CNOT3: variants seen among roughly 807,000 people sequenced by gnomAD.
CNOT3 encodes CCR4-associated factor 3.
Under a neutral mutation model 89.4 loss-of-function variants are expected in CNOT3, and 2 were observed. The observed-to-expected ratio is 0.02, with a 90% confidence interval of 0.01 to 0.07. The LOEUF is 0.07. Among genes scored for constraint, CNOT3 ranks in the 10% least tolerant of loss-of-function variants. The pLI, the probability that CNOT3 is intolerant of heterozygous loss-of-function variation, is 1.00. For missense variants in CNOT3, 664 were observed against 1,010.2 expected, an observed-to-expected ratio of 0.66 and a Z score of 4.65; for synonymous variants, 486 against 402.0, an observed-to-expected ratio of 1.21 and a Z score of -2.50.
In CNOT3 at chr19:54,155,532, C is replaced by A; in HGVS notation, c.*125C>A. The A allele has an allele frequency of 1.1e-6, 1 of 910,730 alleles. No homozygotes were observed. Among genetic ancestry groups the A allele is most frequent in the Non-Finnish European group, 1.6e-6 (1 of 610,130 alleles). The allele number at this position is 910,730 out of a possible 1,614,324, so 56.4% of individuals were successfully genotyped here. A position where few individuals can be genotyped will look rare whatever the true frequency, so the allele number is the denominator to read the frequency against. On this transcript the variant is annotated 3_prime_UTR_variant, in exon 18 of 18. Coordinates refer to ENST00000221232, the MANE Select transcript of CNOT3 (RefSeq NM_014516.4). Reference sequence around the variant, plus strand: ...CGGGGCATCCCCCTCTCCCAGGAAGCAGGGAGGGGGCCGGGAGGTTTTCCT... The same window carrying A: ...CGGGGCATCCCCCTCTCCCAGGAAGAAGGGAGGGGGCCGGGAGGTTTTCCT...
At position 54,155,304 on chromosome 19, in the gene CNOT3, G is replaced by A. The variant is rs373011690; in HGVS notation, c.2164-5G>A. On this transcript the variant is annotated splice_polypyrimidine_tract_variant and splice_region_variant and intron_variant, in intron 17 of 17. Transcript: ENST00000221232. ...CACTCACTGACCGCCTTCTCCCCCG[G>A]CCAGGGCACCTACATCTACTTTGAC... The A allele has an allele frequency of 1.2e-6, 2 of 1,613,040 alleles. No homozygotes were observed. The highest frequency in any genetic ancestry group is 1.7e-6 in the Non-Finnish European group (2 of 1,179,646).
Position 54,152,894 on chromosome 19 carries a change from G to A in CNOT3, c.1932G>A (p.Pro644=), listed in dbSNP as rs775049736. 12 of 1,524,118 alleles carry A rather than the reference G, an allele frequency of 7.9e-6. No individual in the cohort carries two copies. Among genetic ancestry groups the A allele is most frequent in the African/African-American group, 5.6e-5 (4 of 71,660 alleles). The allele number at this position is 1,524,118 out of a possible 1,614,324, so 94.4% of individuals were successfully genotyped here. A position where few individuals can be genotyped will look rare whatever the true frequency, so the allele number is the denominator to read the frequency against. The change falls in exon 16 of 18, where the codon CCG becomes CCA. Residue 644 remains proline (P), a synonymous_variant. Coordinates refer to ENST00000221232, the MANE Select transcript of CNOT3 (RefSeq NM_014516.4). The part of the protein sequence containing the change: ...IRQYLPRNPC[P]TPPYHHQMPP... ...AGTACCTCCCCCGGAACCCCTGTCC[G>A]ACGCCCCCCTACCACCACCAGATGC... is the stretch of plus-strand genomic sequence containing the variant.
Position 54,144,338 on chromosome 19 carries a change from T to G in CNOT3, c.483+6T>G. On this transcript the variant is annotated splice_donor_region_variant and intron_variant, in intron 7 of 17. Transcript: ENST00000221232. The surrounding 1 kb of genome is among the most constrained non-coding windows in gnomAD (Gnocchi z 4.8). Reference sequence around the variant, plus strand: ...AGAAGAAGGGCGACAAGGATGTGAGTGAGGGAGACCCGACACCTTTGGGAT... The same window carrying G: ...AGAAGAAGGGCGACAAGGATGTGAGGGAGGGAGACCCGACACCTTTGGGAT... The G allele has an allele frequency of 6.2e-7, 1 of 1,608,116 alleles. No individual in the cohort carries two copies. The highest frequency in any genetic ancestry group is 8.5e-7 in the Non-Finnish European group (1 of 1,175,200).
rs772070910 is a variant in CNOT3, at chr19:54,143,649, C to T, written c.169-11C>T. ...CCTGAGGTCTGACTTTCTTGCTTTT[C>T]CCATCTGCAGCGGCTGAGGGACCAA... On this transcript the variant is annotated splice_polypyrimidine_tract_variant and intron_variant, in intron 4 of 17. Transcript: ENST00000221232. 1.9e-5 allele frequency: 31 copies of T among 1,613,552 alleles called. No individual in the cohort carries two copies. The South Asian group carries it at 2.9e-4, about 15-fold the overall frequency.
rs764312790 is a variant in CNOT3 at position 54,143,019 on chromosome 19, C to G, written c.25+16C>G. ...AAACTCCAAGGTACTAGACTGACTT[C>G]CTGCTGCACCTGTAGCCACATGCTC... On this transcript the variant is annotated intron_variant, in intron 2 of 17. Coordinates refer to ENST00000221232, the MANE Select transcript of CNOT3 (RefSeq NM_014516.4). 1 of 1,614,016 alleles carries G rather than the reference C, an allele frequency of 6.2e-7. No homozygotes were observed.
In CNOT3 at chr19:54,148,059, C is replaced by T. The variant is rs1193389966; in HGVS notation, c.895-89C>T. The T allele has an allele frequency of 1.5e-5, 16 of 1,087,950 alleles. No homozygotes were observed. The highest frequency in any genetic ancestry group is 1.7e-5 in the Non-Finnish European group (14 of 803,812). 67.4% of individuals were successfully genotyped at this position (1,087,950 alleles called of 1,614,324 possible). A position where few individuals can be genotyped will look rare whatever the true frequency, so the allele number is the denominator to read the frequency against. ...GGCAGCGAGGCCAGAGAGGAGGCTG[C>T]TGGGACAAAGATGGAGCCTGAGGTG... On this transcript the variant is annotated intron_variant, in intron 10 of 17. Coordinates refer to ENST00000221232, the MANE Select transcript of CNOT3 (RefSeq NM_014516.4). This position sits in a 1 kb window ranked among gnomAD's most constrained non-coding sequence, Gnocchi z 6.3.
At chr19:54,147,032 A>G (rs1467172618) in intron 10 of CNOT3, among the ~76,000 whole-genome samples, 3 of 152,168 alleles carry the variant, frequency 2.0e-5, no homozygotes, top group African/African-American at 4.8e-5. Flanking sequence ...CAGGGGCCCA[A>G]CTGTGAGCAC....
intron 12 of CNOT3, among the ~76,000 whole-genome samples, chr19:54,149,025 TA>T (rs1412314675): frequency 6.6e-6 from 1 of 152,232 alleles, no homozygotes; most frequent in Non-Finnish European, 1.5e-5. Flanking sequence ...CCATTTCTGT[TA>T]CCTGCCTGAG....
intron 1 of CNOT3, among the ~76,000 whole-genome samples, chr19:54,138,637 C>A (rs1427992672): frequency 6.6e-6 from 1 of 152,236 alleles, no homozygotes; most frequent in Non-Finnish European, 1.5e-5. Flanking sequence ...CAGGTTCCAG[C>A]TGCCCGTCTG....
intron 17 of CNOT3, 25 bp from the exon 18 acceptor site, chr19:54,155,284 A>C: frequency 6.2e-7 from 1 of 1,611,710 alleles, no homozygotes; most frequent in Non-Finnish European, 8.5e-7. Flanking sequence ...TCGTCCACTC[A>C]CTGACCGCCT....
At position 54,148,334 on chromosome 19, in the gene CNOT3, C is replaced by T. The variant is rs776288486; in HGVS notation, c.1081C>T (p.Pro361Ser). The change falls in exon 11 of 18, where the codon CCC (proline) becomes TCC (serine). Residue 361 changes from proline to serine, a missense_variant. Physicochemically the swap from Pro to Ser is moderately conservative, Grantham distance 74. This residue lies in a region of CNOT3 where 545 missense variants were observed against 566.2 expected (regional missense o/e 0.96). Coordinates refer to ENST00000221232, the MANE Select transcript of CNOT3 (RefSeq NM_014516.4). This position sits in a 1 kb window ranked among gnomAD's most constrained non-coding sequence, Gnocchi z 6.3. The part of the protein sequence containing the change: ...SALGPKASPA[P>S]SHNSGTPAPY... ...CCTGGGCCCCAAGGCCAGTCCAGCT[C>T]CCAGCCACAACTCGGGCACCCCTGC... 1.5e-5 allele frequency: 24 copies of T among 1,594,900 alleles called. No individual in the cohort carries two copies. The highest frequency in any genetic ancestry group is 2.1e-5 in the Non-Finnish European group (24 of 1,170,620).
chr19:54,148,936 T>C lies in CNOT3; in HGVS notation c.1406+193T>C, dbSNP rs1212994809. On this transcript the variant is annotated intron_variant, in intron 12 of 17. Coordinates refer to ENST00000221232, the MANE Select transcript of CNOT3 (RefSeq NM_014516.4). This position sits in a 1 kb window ranked among gnomAD's most constrained non-coding sequence, Gnocchi z 6.3. ...AGCAAGGAAACTACATCAGCCTCCC[T>C]GCTTTGCCCTTCAGAACATTCTAAA... is the stretch of plus-strand genomic sequence containing the variant. Among the ~76,000 whole-genome samples the C allele has an allele frequency of 1.3e-5, 2 of 152,250 alleles. No homozygotes were observed. Among genetic ancestry groups the C allele is most frequent in the Non-Finnish European group, 2.9e-5 (2 of 68,046 alleles).
Position 54,145,988 on chromosome 19 carries a change from C to G in CNOT3, c.782C>G (p.Pro261Arg). 6.2e-7 allele frequency: 1 copy of G among 1,613,818 alleles called. No homozygotes were observed. The highest frequency in any genetic ancestry group is 8.5e-7 in the Non-Finnish European group (1 of 1,179,800). Residue 261 changes from proline (P) to arginine (R), a missense_variant, in exon 9 of 18, where the codon CCC becomes CGC. Around this residue, in one of 8 missense-constraint regions of CNOT3, gnomAD observed 545 missense variants for 566.2 expected, o/e 0.96. Transcript: ENST00000221232. The surrounding 1 kb of genome is among the most constrained non-coding windows in gnomAD (Gnocchi z 5.9). The part of the protein sequence containing the change: ...DEIFNQSSST[P>R]TSTTSSSPIP... ...ATCTTCAACCAGTCCAGCAGCACGC[C>G]CACCTCAACCACCTCCAGCTCTCCC...
rs756875113 is a variant in CNOT3 at position 54,143,422 on chromosome 19, C to A, written c.94-20C>A. 6.2e-7 allele frequency: 1 copy of A among 1,613,142 alleles called. No individual in the cohort carries two copies. Among genetic ancestry groups the A allele is most frequent in the East Asian group, 2.2e-5 (1 of 44,874 alleles). ...GACATCCCCTCCCACACTGACTTCT[C>A]AATTCTCTCCATCCCTCAGCTCCAC... is the stretch of plus-strand genomic sequence containing the variant. On this transcript the variant is annotated intron_variant, in intron 3 of 17. Coordinates refer to ENST00000221232, the MANE Select transcript of CNOT3 (RefSeq NM_014516.4).
Position 54,144,125 on chromosome 19 carries a change from G to C in CNOT3, c.378G>C (p.Gln126His). 4 of 1,606,002 alleles carry C rather than the reference G, an allele frequency of 2.5e-6. No individual in the cohort carries two copies. Among genetic ancestry groups the C allele is most frequent in the Non-Finnish European group, 3.4e-6 (4 of 1,175,738 alleles). Residue 126 changes from glutamine (Q) to histidine (H), a missense_variant, in exon 6 of 18, where the codon CAG (glutamine) becomes CAC (histidine). Gln to His is a conservative substitution (Grantham distance 24). Coordinates refer to ENST00000221232, the MANE Select transcript of CNOT3 (RefSeq NM_014516.4). The surrounding 1 kb of genome is among the most constrained non-coding windows in gnomAD (Gnocchi z 4.8). ...AGAAGGAGAAGGAAGAGGTTGGCCA[G>C]TGGCTCACGGTGAGTTGGGGTAGAG... ...PAQKEKEEVGQWLTNTIDTLN... is the reference protein window; with the variant it reads ...PAQKEKEEVGHWLTNTIDTLN...
intron 13 of CNOT3, 138 bp downstream of exon 13, chr19:54,149,896 C>G (rs2074970131): frequency 2.2e-6 from 2 of 913,708 alleles, no homozygotes; most frequent in Admixed American, 2.8e-5. Flanking sequence ...CACACTTGCT[C>G]TTTCTCCAGG....
At chr19:54,146,824 T>C (rs2074699363) in intron 10 of CNOT3, among the ~76,000 whole-genome samples, 167 bp downstream of exon 10, 1 of 152,206 alleles carries the variant, frequency 6.6e-6, no homozygotes, top group Non-Finnish European at 1.5e-5. Context: ...GACAGGTGAC[T>C]GGTGCTGTGG....
At chr19:54,142,772 C>T (rs1179368044) in intron 1 of CNOT3, 157 bp from the exon 2 acceptor site, 4 of 628,392 alleles carry the variant, frequency 6.4e-6, no homozygotes, top group African/African-American at 3.6e-5. Context: ...GGCAGTCAAG[C>T]GAGCATCAGG....
At position 54,145,937 on chromosome 19, in the gene CNOT3, C is replaced by G. The variant is rs764309033; in HGVS notation, c.731C>G (p.Pro244Arg). ...CAGGCGCTGGTCGCCACCTCCCCCC[C>G]CAGCCACAGCCACATGGAGGATGAG... ...IPQALVATSPPSHSHMEDEIF... is the reference protein window; with the variant it reads ...IPQALVATSPRSHSHMEDEIF... Residue 244 changes from proline (P) to arginine (R), a missense_variant, in exon 9 of 18, where the codon CCC (proline) becomes CGC (arginine). Physicochemically the swap from Pro to Arg is moderately radical, Grantham distance 103. Coordinates refer to ENST00000221232, the MANE Select transcript of CNOT3 (RefSeq NM_014516.4). This position sits in a 1 kb window ranked among gnomAD's most constrained non-coding sequence, Gnocchi z 5.9. The G allele has an allele frequency of 1.1e-5, 17 of 1,613,838 alleles. No individual in the cohort carries two copies. Among genetic ancestry groups the G allele is most frequent in the Admixed American group, 3.3e-5 (2 of 59,996 alleles).
Sources: gnomAD v4.1 joint callset for allele counts (sites outside exome capture counted in the v4.1 genomes callset) on GRCh38, gnomAD v4.1.1 for gene constraint, gnomAD v4.1.1 regional missense constraint, Gnocchi (gnomAD v3.1) non-coding constraint, MANE v1.5 for transcripts, NCBI Gene and HGNC (gene_info 2026-07-23, HGNC 2026-07-21) for gene names.